The following CYP24A1 variants were observed in gnomAD, a reference collection of about 807,000 sequenced individuals.
CYP24A1 encodes the protein cytochrome P450 family 24 subfamily A member 1.
In CYP24A1, 68 loss-of-function variants were observed where a neutral mutation model predicts 62.4. The observed-to-expected ratio is 1.09, with a 90% confidence interval of 0.90 to 1.33. The LOEUF (loss-of-function observed/expected upper bound fraction) is 1.33, where lower values mean the gene tolerates loss of function less well. CYP24A1 is among the 40% of genes most tolerant of loss of function. The pLI, the probability that CYP24A1 is intolerant of heterozygous loss-of-function variation, is 0.00. For synonymous variants in CYP24A1, 267 were observed against 253.0 expected, an observed-to-expected ratio of 1.06 and a Z score of -0.52; for missense variants, 787 against 653.0, an observed-to-expected ratio of 1.21 and a Z score of -2.24.
intron 11 of CYP24A1, among the ~76,000 whole-genome samples, chr20:54,155,623 G>C (rs1466851547): frequency 6.6e-6 from 1 of 151,742 alleles, no homozygotes; most frequent in Non-Finnish European, 1.5e-5. Context: ...TGTAATCCCA[G>C]CTACTCGGGA....
intron 2 of CYP24A1, 34 bp from the exon 3 acceptor site, chr20:54,171,704 C>A: frequency 1.2e-6 from 2 of 1,613,926 alleles, no homozygotes; most frequent in Non-Finnish European, 1.7e-6. Context: ...TTAGAGCACA[C>A]TGAAAAGAAA....
chr20:54,157,130 A>T, intron 11 of CYP24A1, 39 bp downstream of exon 11: 1 of 979,682 alleles, frequency 1.0e-6, no homozygotes, highest in Non-Finnish European at 1.6e-6. Flanking sequence ...CGTCATTCTC[A>T]CTACCTTGCA....
rs541333062 is a variant in CYP24A1, at chr20:54,164,313, G to T, written c.844+139C>A. 13 of 1,501,914 alleles carry T rather than the reference G, an allele frequency of 8.7e-6. No individual in the cohort carries two copies. In the South Asian group the frequency reaches 1.2e-4, roughly 14 times the overall value. 93.0% of individuals were successfully genotyped at this position (1,501,914 alleles called of 1,614,324 possible). On this transcript the variant is annotated intron_variant, in intron 6 of 11. Coordinates refer to ENST00000216862, the MANE Select transcript of CYP24A1 (RefSeq NM_000782.5). The stretch of plus-strand genomic sequence containing the variant: ...TTACTTAGAATTTGTGTATGCTGGG[G>T]CAATCCCCAAAACACCTGTGTTTGC...
downstream of CYP24A1, among the ~76,000 whole-genome samples, chr20:54,148,792 G>A (rs964973409): frequency 3.9e-5 from 6 of 152,074 alleles, no homozygotes; most frequent in East Asian, 5.8e-4. Context: ...CTGCAAGCTC[G>A]CACTGACATA....
downstream of CYP24A1, among the ~76,000 whole-genome samples, chr20:54,152,166 G>A (rs1202939885): frequency 6.6e-6 from 1 of 152,128 alleles, no homozygotes; most frequent in South Asian, 2.1e-4. Context: ...CTCATGGCTG[G>A]CACCTGCAGC....
Position 54,153,639 on chromosome 20 carries a change from A to G in CYP24A1, c.*1133T>C, listed in dbSNP as rs2092616855. 1 of 152,680 alleles carries G rather than the reference A, an allele frequency of 6.5e-6. No homozygotes were observed. Among genetic ancestry groups the G allele is most frequent in the Non-Finnish European group, 1.5e-5 (1 of 68,036 alleles). 9.5% of individuals were successfully genotyped at this position (152,680 alleles called of 1,614,324 possible). ...CTGAAATATTCTAAAAATATAATGT[A>G]GGAAGAAATATTTATCAAATACACA... On this transcript the variant is annotated 3_prime_UTR_variant, in exon 12 of 12. Coordinates refer to ENST00000216862, the MANE Select transcript of CYP24A1 (RefSeq NM_000782.5).
intron 4 of CYP24A1, among the ~76,000 whole-genome samples, chr20:54,168,477 C>T (rs1244210220): frequency 1.3e-5 from 2 of 152,164 alleles, no homozygotes; most frequent in South Asian, 4.2e-4. Context: ...GATCCACTCA[C>T]ACCAGCAGCT....
chr20:54,147,897 G>A, the CYP24A1 span, among the ~76,000 whole-genome samples: 1 of 152,034 alleles, frequency 6.6e-6, no homozygotes, highest in African/African-American at 2.4e-5. Flanking sequence ...GCAATGGAGG[G>A]ATCTTGGCTC....
chr20:54,163,506 C>A (rs889452139), intron 6 of CYP24A1, among the ~76,000 whole-genome samples: 2 of 152,244 alleles, frequency 1.3e-5, no homozygotes, highest in African/African-American at 2.4e-5. Flanking sequence ...GTCCTGGAAG[C>A]TCCTTGTCTG....
intron 7 of CYP24A1, 105 bp downstream of exon 7, chr20:54,162,612 A>T: frequency 1.2e-6 from 1 of 805,794 alleles, no homozygotes; most frequent in Non-Finnish European, 2.2e-6. Flanking sequence ...AGTTGATGCT[A>T]GTGAATCCCA....
intron 2 of CYP24A1, chr20:54,172,680 TG>T: frequency 1.4e-5 from 14 of 977,294 alleles, no homozygotes; most frequent in Non-Finnish European, 1.9e-5. Flanking sequence ...CCTGCCCTGT[TG>T]CCAGAGAGAA....
the CYP24A1 span, among the ~76,000 whole-genome samples, chr20:54,148,369 G>GACACACAGAC: frequency 3.0e-5 from 4 of 133,378 alleles, no homozygotes; most frequent in East Asian, 4.4e-4. Context: ...CAGACACACA[G>GACACACAGAC]ACACACACAC....
chr20:54,160,658 G>A (rs1353017436), intron 7 of CYP24A1, among the ~76,000 whole-genome samples: 1 of 152,208 alleles, frequency 6.6e-6, no homozygotes, highest in Non-Finnish European at 1.5e-5. Context: ...CATCAAATTA[G>A]ATACACTTTC....
chr20:54,145,604 C>A, the CYP24A1 span, among the ~76,000 whole-genome samples: 2 of 144,484 alleles, frequency 1.4e-5, no homozygotes, highest in Non-Finnish European at 3.0e-5. Flanking sequence ...CGTGCCACTG[C>A]ACTCCAGCCT....
rs769380230 is a variant in CYP24A1, at chr20:54,157,576, T to C, written c.1246A>G (p.Met416Val). 1 of 1,575,478 alleles carries C rather than the reference T, an allele frequency of 6.3e-7. No individual in the cohort carries two copies. The change falls in exon 10 of 12, where the codon ATG becomes GTG. Residue 416 changes from methionine (M) to valine (V), a missense_variant. Coordinates refer to ENST00000216862, the MANE Select transcript of CYP24A1 (RefSeq NM_000782.5). ...GATCCCAACACCTGGGTATTTAGCA[T>C]GAGCACTGTCTAAACACATGCAGAG... ...EYALPKGTVL[M>V]LNTQVLGSSE...
intron 11 of CYP24A1, 113 bp downstream of exon 11, chr20:54,157,056 C>T: frequency 2.9e-6 from 2 of 690,132 alleles, no homozygotes; most frequent in Admixed American, 2.1e-5. Flanking sequence ...GGTCACCCAG[C>T]AAGTTAGAGG....
Position 54,164,477 on chromosome 20 carries a change from C to G in CYP24A1, c.819G>C (p.Leu273=), listed in dbSNP as rs1159061231. 1 of 1,614,112 alleles carries G rather than the reference C, an allele frequency of 6.2e-7. No homozygotes were observed. Among genetic ancestry groups the G allele is most frequent in the Admixed American group, 1.7e-5 (1 of 60,026 alleles). The part of the protein sequence containing the change: ...LNTKVWQDHT[L]AWDTIFKSVK... ...CTGATTTGAAAATGGTGTCCCAGGC[C>G]AGAGTGTGGTCCTGCCAGACCTTGG... Residue 273 remains leucine, a synonymous_variant, in exon 6 of 12, where the codon CTG becomes CTC. Coordinates refer to ENST00000216862, the MANE Select transcript of CYP24A1 (RefSeq NM_000782.5).
chr20:54,171,471 C>G, intron 3 of CYP24A1, 106 bp downstream of exon 3: 2 of 1,604,888 alleles, frequency 1.2e-6, no homozygotes, highest in South Asian at 1.1e-5. Flanking sequence ...TTGAATCACC[C>G]GAATTGCATT....
intron 7 of CYP24A1, among the ~76,000 whole-genome samples, chr20:54,159,482 C>T (rs140433285): frequency 0.026 from 3,974 of 151,366 alleles, 83 homozygotes; most frequent in Non-Finnish European, 0.041. Context: ...GCAACCTCCA[C>T]CTCCTGGGTT....
Sources: gnomAD v4.1 joint callset for allele counts (sites outside exome capture counted in the v4.1 genomes callset) on GRCh38, gnomAD v4.1.1 for gene constraint, MANE v1.5 for transcripts, NCBI Gene and HGNC (gene_info 2026-07-23, HGNC 2026-07-21) for gene names.